The following UNK variants were observed in gnomAD, a reference collection of about 807,000 sequenced individuals.
The protein encoded by UNK is RING finger protein unkempt homolog.
Under a neutral mutation model 97.6 loss-of-function variants are expected in UNK, and 32 were observed. The ratio of observed to expected loss-of-function variants is 0.33; its 90% CI spans 0.25 to 0.44. UNK has a LOEUF of 0.44. UNK is among the 20% of genes least tolerant of loss of function. The pLI is 1.00. For missense variants in UNK, 771 were observed against 1,098.4 expected (o/e 0.70, Z 4.21); for synonymous variants, 441 against 461.2 (o/e 0.96, Z 0.56).
intron 1 of UNK, among the ~76,000 whole-genome samples, chr17:75,803,245 CA>C (rs1389855862): frequency 1.4e-5 from 2 of 140,940 alleles, no homozygotes; most frequent in Non-Finnish European, 3.0e-5. Context: ...CTAAAAAATA[CA>C]AAAAAATTTA....
intron 13 of UNK, chr17:75,821,850 G>C (rs767010132): frequency 2.5e-6 from 1 of 398,044 alleles, no homozygotes; most frequent in South Asian, 1.8e-5. Context: ...GGCTGTGCAC[G>C]CAGCATAGTT....
rs1251043051 is a variant in UNK at position 75,824,369 on chromosome 17, C to T, written c.2385C>T (p.Ser795=). 7 of 1,576,210 alleles carry T rather than the reference C, an allele frequency of 4.4e-6. No homozygotes were observed. In the East Asian group the frequency reaches 1.2e-4, roughly 27 times the overall value. Residue 795 remains serine, a synonymous_variant, in exon 16 of 16, where the codon AGC becomes AGT. Coordinates refer to ENST00000589666, the MANE Select transcript of UNK (RefSeq NM_001080419.3). This position sits in a 1 kb window ranked among gnomAD's most constrained non-coding sequence, Gnocchi z 4.9. ...AALCELCAEG[S]ECPICQPGRA... is the part of the protein sequence containing the mutation. ...TGTGTGAGCTCTGCGCTGAGGGCAG[C>T]GAGTGCCCCATCTGCCAGCCTGGCC... is the stretch of plus-strand genomic sequence containing the variant.
At chr17:75,802,936 CCAACA>C (rs2061874845) in intron 1 of UNK, among the ~76,000 whole-genome samples, 1 of 144,704 alleles carries the variant, frequency 6.9e-6, no homozygotes, top group Non-Finnish European at 1.5e-5. Context: ...ACCACCCTGG[CCAACA>C]TGGTGAAACC....
intron 4 of UNK, 64 bp from the exon 5 acceptor site, chr17:75,813,014 C>T (rs1231802418): frequency 1.3e-6 from 2 of 1,511,482 alleles, no homozygotes; most frequent in Non-Finnish European, 1.8e-6. Context: ...CCACTCCAGT[C>T]CTGCTAGTCT....
chr17:75,812,281 G>T lies in UNK; in HGVS notation c.484G>T (p.Asp162Tyr). The T allele has an allele frequency of 6.2e-7, 1 of 1,610,940 alleles. No homozygotes were observed. Among genetic ancestry groups the T allele is most frequent in the South Asian group, 1.1e-5 (1 of 90,796 alleles). The change falls in exon 3 of 16, where the codon GAC becomes TAC. Residue 162 changes from aspartate to tyrosine, a missense_variant. Coordinates refer to ENST00000589666, the MANE Select transcript of UNK (RefSeq NM_001080419.3). ...GPHDLRSPVY[D>Y]IRELQAMEAL... is the part of the protein sequence containing the mutation. The stretch of plus-strand genomic sequence containing the variant: ...CCATGACCTCCGCTCCCCTGTCTAC[G>T]ACATCAGGTGGGCTGGGTGCTGGGC...
chr17:75,792,840 T>G (rs2061774041), intron 1 of UNK, among the ~76,000 whole-genome samples: 1 of 152,352 alleles, frequency 6.6e-6, no homozygotes, highest in Non-Finnish European at 1.5e-5. Flanking sequence ...TGTTAAAAAG[T>G]TAATTAAAAA....
chr17:75,791,295 T>C (rs552074127), intron 1 of UNK, among the ~76,000 whole-genome samples: 47 of 152,370 alleles, frequency 3.1e-4, no homozygotes, highest in Admixed American at 2.6e-3. Flanking sequence ...AATACTTCCA[T>C]AGATAACTCT....
At chr17:75,790,340 A>G (rs2061752616) in intron 1 of UNK, among the ~76,000 whole-genome samples, 1 of 152,058 alleles carries the variant, frequency 6.6e-6, no homozygotes, top group Non-Finnish European at 1.5e-5. Flanking sequence ...CAGAAAAACT[A>G]CCATCTGAAA....
intron 2 of UNK, 107 bp from the exon 3 acceptor site, chr17:75,812,004 CA>C (rs2061973738): frequency 7.4e-7 from 1 of 1,347,556 alleles, no homozygotes; most frequent in Non-Finnish European, 1.0e-6. Context: ...ACAAAACAAA[CA>C]AACAACAACA....
chr17:75,818,686 C>G lies in UNK; in HGVS notation c.1416C>G (p.Ser472Arg), dbSNP rs768237095. The G allele has an allele frequency of 3.1e-6, 5 of 1,610,948 alleles. No individual in the cohort carries two copies. In the Admixed American group the frequency reaches 6.7e-5, roughly 22 times the overall value. The change falls in exon 11 of 16, where the codon AGC becomes AGG. Residue 472 changes from serine to arginine, a missense_variant. By Grantham distance (110) the Ser-to-Arg change is moderately radical. This residue lies in a region of UNK where 192 missense variants were observed against 202.4 expected (regional missense o/e 0.95). Transcript: ENST00000589666. This position sits in a 1 kb window ranked among gnomAD's most constrained non-coding sequence, Gnocchi z 5.1. ...ILPAGSPLTS[S>R]ISSSITSSLA... Reference sequence around the variant, plus strand: ...CCGCAGGCAGCCCCCTGACCTCAAGCATCTCTTCTAGTATCACCTCCAGCC... The same window carrying G: ...CCGCAGGCAGCCCCCTGACCTCAAGGATCTCTTCTAGTATCACCTCCAGCC...
intron 7 of UNK, among the ~76,000 whole-genome samples, chr17:75,815,483 C>T (rs906263195): frequency 2.0e-5 from 3 of 152,170 alleles, no homozygotes; most frequent in Admixed American, 6.5e-5. Context: ...AGGGATTGTC[C>T]GCCTGGTTGA....
intron 1 of UNK, chr17:75,785,218 CG>C (rs2061697400): frequency 4.0e-6 from 2 of 493,948 alleles, no homozygotes; most frequent in African/African-American, 2.1e-5. Context: ...GTGGGGAAGG[CG>C]GGAGCTCGGG....
chr17:75,786,540 C>T (rs542610905), intron 1 of UNK, among the ~76,000 whole-genome samples: 1 of 152,260 alleles, frequency 6.6e-6, no homozygotes, highest in South Asian at 2.1e-4. Flanking sequence ...AGTCTTTGTC[C>T]TCTTGATGCT....
chr17:75,790,862 C>T (rs1484236802), intron 1 of UNK, among the ~76,000 whole-genome samples: 1 of 151,556 alleles, frequency 6.6e-6, no homozygotes, highest in East Asian at 1.9e-4. Flanking sequence ...ACCCAGGAGG[C>T]GGAGGTTGCG....
intron 14 of UNK, 132 bp downstream of exon 14, chr17:75,822,790 C>T (rs576427282): frequency 1.4e-5 from 17 of 1,186,246 alleles, no homozygotes; most frequent in South Asian, 1.2e-4. Context: ...CAGTTTTGTT[C>T]GCTCGCTCTC....
intron 7 of UNK, among the ~76,000 whole-genome samples, chr17:75,815,560 G>A (rs574030391): frequency 1.6e-4 from 25 of 152,314 alleles, no homozygotes; most frequent in African/African-American, 4.8e-4. Context: ...AATCCCACCA[G>A]CCACCCCATG....
chr17:75,817,606 A>G lies in UNK; in HGVS notation c.1305+80A>G. 1 of 1,413,884 alleles carries G rather than the reference A, an allele frequency of 7.1e-7. No homozygotes were observed. The allele number at this position is 1,413,884 out of a possible 1,614,324, so 87.6% of individuals were successfully genotyped here. A position where few individuals can be genotyped will look rare whatever the true frequency, so the allele number is the denominator to read the frequency against. ...GAATCTTGGAGGAGTGTCTTGGTCC[A>G]GCTACGGGGAGGATGACTGGGAGCT... On this transcript the variant is annotated intron_variant, in intron 9 of 15. Transcript: ENST00000589666. This position sits in a 1 kb window ranked among gnomAD's most constrained non-coding sequence, Gnocchi z 5.8.
At chr17:75,820,314 T>C (rs1025354177) in intron 13 of UNK, among the ~76,000 whole-genome samples, 1 of 152,138 alleles carries the variant, frequency 6.6e-6, no homozygotes, top group African/African-American at 2.4e-5. Context: ...TGCTGTGAAA[T>C]GGGTATAACG....
rs779707258 is a variant in UNK at position 75,813,129 on chromosome 17, C to T, written c.674C>T (p.Pro225Leu). Residue 225 changes from proline (P) to leucine (L), a missense_variant, in exon 5 of 16, where the codon CCG (proline) becomes CTG (leucine). Pro to Leu is a moderately conservative substitution (Grantham distance 98). This residue lies in a region of UNK where 246 missense variants were observed against 440.7 expected (regional missense o/e 0.56). Coordinates refer to ENST00000589666, the MANE Select transcript of UNK (RefSeq NM_001080419.3). ...NYKTEPCKKP[P>L]RLCRQGYACP... Reference sequence around the variant, plus strand: ...AAGACGGAGCCTTGCAAGAAGCCCCCGCGGCTGTGCCGCCAAGGCTATGCC... The same window carrying T: ...AAGACGGAGCCTTGCAAGAAGCCCCTGCGGCTGTGCCGCCAAGGCTATGCC... 14 of 1,587,432 alleles carry T rather than the reference C, an allele frequency of 8.8e-6. No individual in the cohort carries two copies. The highest frequency in any genetic ancestry group is 2.7e-5 in the African/African-American group (2 of 74,430).
Sources: allele counts gnomAD v4.1 joint callset (sites outside exome capture counted in the v4.1 genomes callset), GRCh38; gene constraint gnomAD v4.1.1; regional missense constraint gnomAD v4.1.1; non-coding constraint Gnocchi (gnomAD v3.1); transcripts MANE v1.5; gene names NCBI Gene and HGNC (gene_info 2026-07-23, HGNC 2026-07-21).